The following KCNQ5 variants were observed in gnomAD, a reference collection of about 807,000 sequenced individuals.
KCNQ5 encodes the protein potassium voltage-gated channel subfamily KQT member 5.
A neutral mutation model predicts 98.2 loss-of-function variants in KCNQ5; 30 were observed. The ratio of observed to expected loss-of-function variants is 0.31; its 90% confidence interval spans 0.23 to 0.41. The LOEUF (loss-of-function observed/expected upper bound fraction) is 0.41. Among genes scored for constraint, KCNQ5 ranks in the 10% least tolerant of loss-of-function variants. The pLI, the probability that KCNQ5 is intolerant of heterozygous loss-of-function variation, is 1.00. For synonymous variants in KCNQ5, 458 were observed against 449.4 expected (o/e 1.02, Z -0.24); for missense variants, 835 against 1,182.5 (o/e 0.71, Z 4.31).
chr6:73,099,822 C>A (rs948715983), intron 5 of KCNQ5, among the ~76,000 whole-genome samples: 1 of 152,156 alleles, frequency 6.6e-6, no homozygotes, highest in Admixed American at 6.5e-5. Context: ...GCACAATAGA[C>A]CAAATGGACC....
At chr6:72,887,325 A>G (rs1778884242) in intron 1 of KCNQ5, among the ~76,000 whole-genome samples, 1 of 152,072 alleles carries the variant, frequency 6.6e-6, no homozygotes, top group Admixed American at 6.6e-5. Flanking sequence ...AGGGAAACTC[A>G]CCATTTTGAA....
chr6:72,988,689 T>TACGA (rs1768948568), intron 1 of KCNQ5, among the ~76,000 whole-genome samples: 1 of 130,746 alleles, frequency 7.6e-6, no homozygotes, highest in African/African-American at 2.8e-5. Context: ...AGTTTTAGGG[T>TACGA]ACATGTGCAC....
chr6:72,745,275 G>A (rs1306465794), intron 1 of KCNQ5, among the ~76,000 whole-genome samples: 1 of 152,124 alleles, frequency 6.6e-6, no homozygotes, highest in Non-Finnish European at 1.5e-5. Context: ...TGGCTCCTTC[G>A]TACTTCTTTT....
intron 1 of KCNQ5, among the ~76,000 whole-genome samples, chr6:72,642,938 A>G (rs1765399707): frequency 6.6e-6 from 1 of 152,196 alleles, no homozygotes; most frequent in South Asian, 2.1e-4. Context: ...ATAAAAAAGA[A>G]TGAGCTTATA....
In KCNQ5 at chr6:72,851,675, T is replaced by C. The variant is rs147341543; in HGVS notation, c.399-152233T>C. Among the ~76,000 whole-genome samples the C allele has an allele frequency of 2.4e-4, 37 of 152,286 alleles. No homozygotes were observed. In the East Asian group the frequency reaches 6.4e-3, roughly 26 times the overall value. On this transcript the variant is annotated intron_variant, in intron 1 of 13. Transcript: ENST00000370398. The stretch of plus-strand genomic sequence containing the variant: ...CTGATTTGAGTCCCATCAACTTCTC[T>C]CCACCCTCTACATTCATTTACATAA...
intron 5 of KCNQ5, 60 bp from the exon 6 acceptor site, chr6:73,105,197 A>G (rs1774952717): frequency 1.1e-6 from 1 of 902,132 alleles, no homozygotes; most frequent in South Asian, 1.7e-5. Flanking sequence ...CCTCCTGTTC[A>G]TAGGTCCTAA....
rs1765796618 is a variant in KCNQ5, at chr6:73,196,507, G to A, written c.*1093G>A. ...ACTTTTTAGAAAATGAGTATTGCTA[G>A]GGAATTCAACTACCTAATCTTCCCT... On this transcript the variant is annotated 3_prime_UTR_variant, in exon 14 of 14. Transcript: ENST00000370398. The A allele has an allele frequency of 6.6e-6, 1 of 152,172 alleles. No individual in the cohort carries two copies. The highest frequency in any genetic ancestry group is 6.5e-5 in the Admixed American group (1 of 15,276). The allele number at this position is 152,172 out of a possible 1,614,324, so 9.4% of individuals were successfully genotyped here.
At chr6:72,838,470 A>T (rs1776612759) in intron 1 of KCNQ5, among the ~76,000 whole-genome samples, 1 of 152,138 alleles carries the variant, frequency 6.6e-6, no homozygotes, top group South Asian at 2.1e-4. Flanking sequence ...CTGCTCTCAA[A>T]TTATATCACT....
intron 1 of KCNQ5, among the ~76,000 whole-genome samples, chr6:72,782,990 GT>G (rs1169066385): frequency 6.6e-6 from 1 of 152,188 alleles, no homozygotes; most frequent in African/African-American, 2.4e-5. Flanking sequence ...CTGAAGACAG[GT>G]TTTTTAGTAG....
intron 11 of KCNQ5, among the ~76,000 whole-genome samples, chr6:73,179,504 C>A (rs75217123): frequency 0.016 from 2,377 of 152,270 alleles, 48 homozygotes; most frequent in East Asian, 0.1. Context: ...AATACTGCCA[C>A]ATTAGGCATA....
chr6:73,039,948 T>C (rs1051329046), intron 2 of KCNQ5, among the ~76,000 whole-genome samples: 7 of 152,152 alleles, frequency 4.6e-5, no homozygotes, highest in Non-Finnish European at 2.9e-5. Flanking sequence ...ACTTAACATT[T>C]GTCTATTTTT....
chr6:72,697,006 C>A (rs1056085382), intron 1 of KCNQ5, among the ~76,000 whole-genome samples: 1 of 152,120 alleles, frequency 6.6e-6, no homozygotes, highest in South Asian at 2.1e-4. Flanking sequence ...TGAGGTCAAT[C>A]GCGGTATCAT....
intron 1 of KCNQ5, among the ~76,000 whole-genome samples, chr6:72,675,380 G>T (rs1767358082): frequency 6.6e-6 from 1 of 152,142 alleles, no homozygotes. Context: ...AGAGAAAGAG[G>T]TTTAAATTGT....
chr6:72,787,500 G>C (rs1348790435), intron 1 of KCNQ5, among the ~76,000 whole-genome samples: 1 of 151,102 alleles, frequency 6.6e-6, no homozygotes, highest in Non-Finnish European at 1.5e-5. Context: ...AAGTAATTCA[G>C]ATTTAATTAG....
chr6:73,070,404 A>T (rs1773249533), intron 3 of KCNQ5, among the ~76,000 whole-genome samples: 1 of 152,202 alleles, frequency 6.6e-6, no homozygotes, highest in South Asian at 2.1e-4. Flanking sequence ...CACAGAGACA[A>T]ACAAAAATTC....
chr6:72,925,059 T>C (rs1780572695), intron 1 of KCNQ5, among the ~76,000 whole-genome samples: 1 of 152,180 alleles, frequency 6.6e-6, no homozygotes, highest in Admixed American at 6.5e-5. Context: ...TATTTGATAA[T>C]ATGTAGCAGA....
At chr6:72,955,335 T>G (rs2150259031) in intron 1 of KCNQ5, among the ~76,000 whole-genome samples, 1 of 152,308 alleles carries the variant, frequency 6.6e-6, no homozygotes, top group Non-Finnish European at 1.5e-5. Flanking sequence ...ATTGTTCAGT[T>G]TTCACCTGCT....
intron 1 of KCNQ5, among the ~76,000 whole-genome samples, chr6:72,670,430 CA>C (rs1376302662): frequency 1.3e-5 from 2 of 152,194 alleles, no homozygotes; most frequent in African/African-American, 4.8e-5. Flanking sequence ...CTCTACCCAT[CA>C]CTGAGTTCCA....
At chr6:72,661,154 C>T (rs538637086) in intron 1 of KCNQ5, among the ~76,000 whole-genome samples, 4 of 151,866 alleles carry the variant, frequency 2.6e-5, no homozygotes, top group South Asian at 2.1e-4. Context: ...ACCCTCTTGT[C>T]GAGAACTGAG....
Sources: allele counts gnomAD v4.1 joint callset (sites outside exome capture counted in the v4.1 genomes callset), GRCh38; gene constraint gnomAD v4.1.1; transcripts MANE v1.5; gene names NCBI Gene and HGNC (gene_info 2026-07-23, HGNC 2026-07-21).